The following PARP1 variants were observed in gnomAD, a reference collection of about 807,000 sequenced individuals.
PARP1 encodes the protein poly(ADP-ribose) polymerase 1.
PARP1 carries 44 observed loss-of-function variants against 118.7 expected under a neutral mutation model. The ratio of observed to expected loss-of-function variants is 0.37; its 90% CI spans 0.29 to 0.48. The LOEUF (loss-of-function observed/expected upper bound fraction) is 0.48. PARP1 is among the 20% of genes least tolerant of loss of function. PARP1 has a pLI of 0.99. For synonymous variants in PARP1, 492 were observed against 483.2 expected (o/e 1.02, Z -0.24); for missense variants, 1,100 against 1,272.4 (o/e 0.86, Z 2.06).
intron 22 of PARP1, 190 bp downstream of exon 22, chr1:226,361,779 G>C (rs1664144040): frequency 1.5e-6 from 1 of 666,520 alleles, no homozygotes. Context: ...CTGGAAACTG[G>C]GGGAAGGCTC....
rs755617552 is a variant in PARP1, at chr1:226,402,314, G to A, written c.186C>T (p.His62=). The A allele has an allele frequency of 2.5e-6, 4 of 1,614,056 alleles. No individual in the cohort carries two copies. The highest frequency in any genetic ancestry group is 3.4e-6 in the Non-Finnish European group (4 of 1,180,040). The change falls in exon 2 of 23, where the codon CAC becomes CAT. Residue 62 remains histidine (H), a synonymous_variant. Transcript: ENST00000366794. ...YHFSCFWKVG[H]SIRHPDVEVD... is the part of the protein sequence containing the mutation. ...CCTCAACGTCAGGGTGCCGGATGGAGTGGCCCACCTTCCAGAAGCAGGAGA... is the reference window on the plus strand; with the variant it reads ...CCTCAACGTCAGGGTGCCGGATGGAATGGCCCACCTTCCAGAAGCAGGAGA...
intron 2 of PARP1, among the ~76,000 whole-genome samples, chr1:226,395,721 T>C (rs569898239): frequency 1.3e-5 from 2 of 152,342 alleles, no homozygotes; most frequent in East Asian, 1.9e-4. Context: ...TATGGCATAT[T>C]CGTGCAATTA....
chr1:226,377,562 C>T (rs566141795), intron 12 of PARP1, among the ~76,000 whole-genome samples: 2 of 152,302 alleles, frequency 1.3e-5, no homozygotes, highest in East Asian at 3.9e-4. Context: ...AGCCTGAGGA[C>T]TGAATCCTGG....
In PARP1 at chr1:226,402,268, G is replaced by A. The variant is rs770918209; in HGVS notation, c.232C>T (p.Arg78Trp). 14 of 1,614,020 alleles carry A rather than the reference G, an allele frequency of 8.7e-6. No individual in the cohort carries two copies. The South Asian group carries it at 1.1e-4, about 13-fold the overall frequency. The part of the protein sequence containing the change: ...DVEVDGFSEL[R>W]WDDQQKVKKT... ...TTGACTTTCTGCTGGTCATCCCACC[G>A]AAGCTCAGAGAACCCATCCACCTCA... Residue 78 changes from arginine (R) to tryptophan (W), a missense_variant, in exon 2 of 23, where the codon CGG (arginine) becomes TGG (tryptophan). This residue lies in a region of PARP1 where 948 missense variants were observed against 1,031.8 expected (regional missense o/e 0.92). Coordinates refer to ENST00000366794, the MANE Select transcript of PARP1 (RefSeq NM_001618.4).
rs115717703 is a variant in PARP1 at position 226,385,982 on chromosome 1, A to G, written c.835-302T>C. ...AAAGTACAGTGCCAAGCCAACTCCC[A>G]AGAATGACAGCAGAGAAGGGCCAGC... On this transcript the variant is annotated intron_variant, in intron 6 of 22. Transcript: ENST00000366794. Among the ~76,000 whole-genome samples the G allele has an allele frequency of 5.6e-3, 849 of 152,296 alleles. 3 individuals carry two copies. The highest frequency in any genetic ancestry group is 9.7e-3 in the Non-Finnish European group (657 of 68,008).
intron 2 of PARP1, 130 bp from the exon 3 acceptor site, chr1:226,392,444 G>A (rs1274669391): frequency 2.7e-6 from 2 of 744,076 alleles, no homozygotes; most frequent in Non-Finnish European, 4.9e-6. Context: ...ACTACGATTG[G>A]TCCATCTCAT....
At chr1:226,373,928 G>GGCAAC (rs796200246) in intron 14 of PARP1, among the ~76,000 whole-genome samples, 4 of 152,176 alleles carry the variant, frequency 2.6e-5, no homozygotes, top group African/African-American at 9.6e-5. Context: ...GACCAGCTTG[G>GGCAAC]GCAACAACAT....
At chr1:226,363,235 A>G (rs1664186649) in intron 20 of PARP1, 75 bp from the exon 21 acceptor site, 4 of 950,538 alleles carry the variant, frequency 4.2e-6, no homozygotes, top group Non-Finnish European at 5.2e-6. Context: ...TTAGGAGAAT[A>G]AGATCAGATA....
At chr1:226,396,028 T>C (rs866734325) in intron 2 of PARP1, among the ~76,000 whole-genome samples, 1 of 152,120 alleles carries the variant, frequency 6.6e-6, no homozygotes. Flanking sequence ...ATCTACTTCA[T>C]GCCACTGAAC....
rs1576406242 is a variant in PARP1, at chr1:226,407,790, G to C, written c.120+20C>G. 5 of 1,421,514 alleles carry C rather than the reference G, an allele frequency of 3.5e-6. No homozygotes were observed. The highest frequency in any genetic ancestry group is 4.7e-6 in the Non-Finnish European group (5 of 1,070,992). 88.1% of individuals were successfully genotyped at this position (1,421,514 alleles called of 1,614,324 possible). A position where few individuals can be genotyped will look rare whatever the true frequency, so the allele number is the denominator to read the frequency against. ...CGGGGCGCCGCGTCCCCGCCCCGCC[G>C]CCCGCACAGCGGCCCGCACCTGCAC... On this transcript the variant is annotated intron_variant, in intron 1 of 22. Transcript: ENST00000366794.
At chr1:226,383,325 G>A (rs935742319) in intron 7 of PARP1, 142 bp from the exon 8 acceptor site, 11 of 708,886 alleles carry the variant, frequency 1.6e-5, no homozygotes, top group Admixed American at 4.9e-5. Flanking sequence ...ATAGAAAAAT[G>A]TGAGGCTTTA....
At chr1:226,387,083 A>C (rs1217568053) in intron 5 of PARP1, among the ~76,000 whole-genome samples, 1 of 152,150 alleles carries the variant, frequency 6.6e-6, no homozygotes, top group Non-Finnish European at 1.5e-5. Flanking sequence ...TCTGGGTTCA[A>C]GCAATTCTCC....
rs776452151 is a variant in PARP1, at chr1:226,402,402, GAAGT to G, written c.121-27_121-24del. The G allele has an allele frequency of 8.2e-5, 132 of 1,606,586 alleles. No individual in the cohort carries two copies. The Middle Eastern group carries it at 1.2e-3, about 14-fold the overall frequency. On this transcript the variant is annotated intron_variant, in intron 1 of 22. Coordinates refer to ENST00000366794, the MANE Select transcript of PARP1 (RefSeq NM_001618.4). ...CGACTAGAAGGAAGAGAAACAGAGG[GAAGT>G]AAGTAAGCAGTTAACTTTTGACTTA...
chr1:226,379,517 C>T, intron 11 of PARP1, 56 bp downstream of exon 11: 1 of 1,414,718 alleles, frequency 7.1e-7, no homozygotes, highest in Non-Finnish European at 1.0e-6. Flanking sequence ...TGCTCCTAGT[C>T]AGCTGGGGGT....
rs1457768858 is a variant in PARP1, at chr1:226,402,192, T to C, written c.286+22A>G. The C allele has an allele frequency of 3.7e-6, 6 of 1,614,202 alleles. No homozygotes were observed. In the East Asian group the frequency reaches 1.1e-4, roughly 30 times the overall value. On this transcript the variant is annotated intron_variant, in intron 2 of 22. Coordinates refer to ENST00000366794, the MANE Select transcript of PARP1 (RefSeq NM_001618.4). ...CTTCAGGGTGGGGGCTGAATGCCCA[T>C]GCTGCCCCAGTATGTACACACCTGT... is the stretch of plus-strand genomic sequence containing the variant.
chr1:226,403,151 T>C (rs541445592), intron 1 of PARP1, among the ~76,000 whole-genome samples: 1 of 152,208 alleles, frequency 6.6e-6, no homozygotes, highest in African/African-American at 2.4e-5. Context: ...ACTAGGCCTT[T>C]CATTGTGACA....
At chr1:226,372,083 TG>T (rs1480186910) in intron 14 of PARP1, among the ~76,000 whole-genome samples, 4 of 152,194 alleles carry the variant, frequency 2.6e-5, no homozygotes, top group Non-Finnish European at 4.4e-5. Flanking sequence ...CCTGGAACCC[TG>T]CCCCCTGCCA....
In PARP1 at chr1:226,408,071, C is replaced by G; in HGVS notation, c.-142G>C. On this transcript the variant is annotated 5_prime_UTR_variant, in exon 1 of 23. Transcript: ENST00000366794. ...GCCACCGAACACGCCGCACCGGCCACCGCCGTTCCCTGATAGATTGCTGAT... is the reference window on the plus strand; with the variant it reads ...GCCACCGAACACGCCGCACCGGCCAGCGCCGTTCCCTGATAGATTGCTGAT... 1 of 1,220,400 alleles carries G rather than the reference C, an allele frequency of 8.2e-7. No individual in the cohort carries two copies. Among genetic ancestry groups the G allele is most frequent in the Non-Finnish European group, 1.2e-6 (1 of 858,540 alleles). 75.6% of individuals were successfully genotyped at this position (1,220,400 alleles called of 1,614,324 possible).
intron 2 of PARP1, among the ~76,000 whole-genome samples, chr1:226,400,255 T>C (rs1665006726): frequency 6.6e-6 from 1 of 151,894 alleles, no homozygotes; most frequent in Admixed American, 6.6e-5. Context: ...GCCAAGACCA[T>C]GCCACAGCAC....
Sources: allele counts gnomAD v4.1 joint callset (sites outside exome capture counted in the v4.1 genomes callset), GRCh38; gene constraint gnomAD v4.1.1; regional missense constraint gnomAD v4.1.1; transcripts MANE v1.5; gene names NCBI Gene and HGNC (gene_info 2026-07-23, HGNC 2026-07-21).